The following DVL1 variants were observed in gnomAD, a reference collection of about 807,000 sequenced individuals.
DVL1 encodes dishevelled segment polarity protein 1, also known as segment polarity protein dishevelled homolog DVL-1.
Under a neutral mutation model 65.0 loss-of-function variants are expected in DVL1, and 49 were observed. The observed-to-expected ratio is 0.75, with a 90% CI of 0.60 to 0.96. The LOEUF (loss-of-function observed/expected upper bound fraction) is 0.96, where lower values mean the gene tolerates loss of function less well. Among genes scored for constraint, DVL1 ranks in the 40% least tolerant of loss-of-function variants. The pLI is 0.00. For synonymous variants in DVL1, 608 were observed against 433.9 expected (o/e 1.40, Z -4.99); for missense variants, 1,197 against 1,045.4 (o/e 1.15, Z -2.00).
intron 1 of DVL1, among the ~76,000 whole-genome samples, chr1:1,345,283 C>T (rs1281280850): frequency 2.6e-5 from 4 of 152,216 alleles, no homozygotes; most frequent in Non-Finnish European, 5.9e-5. Flanking sequence ...AAGTCCTCCC[C>T]TGCCCCCAGT....
Position 1,336,467 on chromosome 1 carries a change from C to T in DVL1, c.1763G>A (p.Arg588His), listed in dbSNP as rs375813716. 1.0e-4 allele frequency: 160 copies of T among 1,557,234 alleles called. No homozygotes were observed. Among genetic ancestry groups the T allele is most frequent in the Middle Eastern group, 5.3e-4 (3 of 5,672 alleles). ...STRSSRRAPGREKERRAAGAG... is the reference protein window; with the variant it reads ...STRSSRRAPGHEKERRAAGAG... ...TCCCGCCGCCCGACGCTCCTTCTCACGGCCCGGGGCCCGGCGGCTGCTCCG... is the reference window on the plus strand; with the variant it reads ...TCCCGCCGCCCGACGCTCCTTCTCATGGCCCGGGGCCCGGCGGCTGCTCCG... The change falls in exon 15 of 15, where the codon CGT becomes CAT. Residue 588 changes from arginine to histidine, a missense_variant. Coordinates refer to ENST00000378888, the MANE Select transcript of DVL1 (RefSeq NM_001330311.2).
chr1:1,339,880 A>G, intron 8 of DVL1, 68 bp from the exon 9 acceptor site: 2 of 1,573,798 alleles, frequency 1.3e-6, no homozygotes, highest in Non-Finnish European at 1.7e-6. Flanking sequence ...CCGCAGACCC[A>G]CCCACAGCCG....
intron 14 of DVL1, among the ~76,000 whole-genome samples, chr1:1,336,747 C>T (rs1048828688): frequency 1.3e-5 from 2 of 152,182 alleles, no homozygotes; most frequent in Non-Finnish European, 2.9e-5. Flanking sequence ...CTGGGGCAAG[C>T]TGGGCGCCCC....
chr1:1,341,774 G>A lies in DVL1; in HGVS notation c.498C>T (p.Asp166=). ...GGGGCAGCCCCACATCCCGCCGTCG[G>A]TCTCCCCTTGGGTGCCCATTGGTCC... The part of the protein sequence containing the change: ...AARTNGHPRG[D]RRRDVGLPPD... The change falls in exon 5 of 15, where the codon GAC becomes GAT. Residue 166 remains aspartate, a synonymous_variant. Coordinates refer to ENST00000378888, the MANE Select transcript of DVL1 (RefSeq NM_001330311.2). The A allele has an allele frequency of 6.2e-7, 1 of 1,601,944 alleles. No individual in the cohort carries two copies. The highest frequency in any genetic ancestry group is 8.5e-7 in the Non-Finnish European group (1 of 1,173,872).
chr1:1,338,408 T>C lies in DVL1; in HGVS notation c.1368A>G (p.Thr456=). The C allele has an allele frequency of 6.2e-7, 1 of 1,612,524 alleles. No individual in the cohort carries two copies. Among genetic ancestry groups the C allele is most frequent in the South Asian group, 1.1e-5 (1 of 91,074 alleles). ...IGADVVDWLY[T]HVEGFKERRE... ...GCCGCTCCTTGAAGCCCTCCACGTGTGTGTACAGCCAGTCCACCACGTCCG... is the reference window on the plus strand; with the variant it reads ...GCCGCTCCTTGAAGCCCTCCACGTGCGTGTACAGCCAGTCCACCACGTCCG... The change falls in exon 13 of 15, where the codon ACA becomes ACG. Residue 456 remains threonine, a synonymous_variant. Transcript: ENST00000378888.
Position 1,335,356 on chromosome 1 carries a change from C to CT in DVL1, c.*785_*786insA. The CT allele has an allele frequency of 6.6e-6, 1 of 152,448 alleles. No individual in the cohort carries two copies. The highest frequency in any genetic ancestry group is 1.5e-5 in the Non-Finnish European group (1 of 68,096). 9.4% of individuals were successfully genotyped at this position (152,448 alleles called of 1,614,324 possible). ...AGCAGCTCTATGTTAACCATCTAAA[C>CT]GCTGGGACTTTGATACAGTATCTAC... On this transcript the variant is annotated 3_prime_UTR_variant, in exon 15 of 15. Transcript: ENST00000378888.
At chr1:1,344,554 G>A (rs563677166) in intron 1 of DVL1, among the ~76,000 whole-genome samples, 1 of 152,204 alleles carries the variant, frequency 6.6e-6, no homozygotes, top group African/African-American at 2.4e-5. Context: ...GCCCTCTGGG[G>A]TCCTGCAGCT....
Position 1,337,735 on chromosome 1 carries a change from C to T in DVL1, c.1714+242G>A, listed in dbSNP as rs557171495. The T allele has an allele frequency of 8.9e-4, 614 of 692,960 alleles. 8 individuals carry two copies. In the South Asian group the frequency reaches 9.0e-3, roughly 10 times the overall value. The allele number at this position is 692,960 out of a possible 1,614,324, so 42.9% of individuals were successfully genotyped here. On this transcript the variant is annotated intron_variant, in intron 14 of 14. Coordinates refer to ENST00000378888, the MANE Select transcript of DVL1 (RefSeq NM_001330311.2). ...GACGCTTCCCTGTCCTCCCCATTCACACTGGCTCCTGGATCCCCCTGGCAC... is the reference window on the plus strand; with the variant it reads ...GACGCTTCCCTGTCCTCCCCATTCATACTGGCTCCTGGATCCCCCTGGCAC...
chr1:1,342,757 C>T lies in DVL1; in HGVS notation c.172G>A (p.Val58Met), dbSNP rs1643868188. Reference sequence around the variant, plus strand: ...TCATCAAAGATCTCCTCCTTCACCACCCTGTGGGCATATGCTGCCGTGAGG... The same window carrying T: ...TCATCAAAGATCTCCTCCTTCACCATCCTGTGGGCATATGCTGCCGTGAGG... Reference protein sequence around the residue: ...FFKSMDQDFGVVKEEIFDDNA... With the variant: ...FFKSMDQDFGMVKEEIFDDNA... Residue 58 changes from valine (V) to methionine (M), a missense_variant and splice_region_variant, in exon 2 of 15, where the codon GTG (valine) becomes ATG (methionine). Coordinates refer to ENST00000378888, the MANE Select transcript of DVL1 (RefSeq NM_001330311.2). The T allele has an allele frequency of 6.2e-7, 1 of 1,612,884 alleles. No individual in the cohort carries two copies.
rs765928459 is a variant in DVL1 at position 1,339,222 on chromosome 1, A to G, written c.1207+65T>C. On this transcript the variant is annotated intron_variant, in intron 11 of 14. Coordinates refer to ENST00000378888, the MANE Select transcript of DVL1 (RefSeq NM_001330311.2). ...TGACGGCCACAGGCGGCCATGCTGG[A>G]GGCTGGCAGAGACGCCCCCTCCAAG... The G allele has an allele frequency of 2.2e-3, 3,317 of 1,541,270 alleles. 6 individuals are homozygous for G. The highest frequency in any genetic ancestry group is 2.8e-3 in the Admixed American group (143 of 50,598).
chr1:1,347,571 CA>C (rs1643935413), intron 1 of DVL1, among the ~76,000 whole-genome samples: 1 of 152,232 alleles, frequency 6.6e-6, no homozygotes, highest in Non-Finnish European at 1.5e-5. Flanking sequence ...ACATTTGCAA[CA>C]AACAGCATTA....
intron 13 of DVL1, 40 bp downstream of exon 13, chr1:1,338,229 T>TTCCCCC: frequency 3.3e-6 from 5 of 1,522,356 alleles, no homozygotes; most frequent in Non-Finnish European, 4.5e-6. Context: ...CCTCCGGCGT[T>TTCCCCC]CCCCTCCCCC....
At chr1:1,347,622 A>G (rs1643936581) in intron 1 of DVL1, among the ~76,000 whole-genome samples, 1 of 152,246 alleles carries the variant, frequency 6.6e-6, no homozygotes, top group African/African-American at 2.4e-5. Flanking sequence ...AAACTAAGTC[A>G]AAAACAAAAG....
chr1:1,349,132 C>T lies in DVL1; in HGVS notation c.-67G>A. On this transcript the variant is annotated 5_prime_UTR_variant, in exon 1 of 15. Transcript: ENST00000378888. The surrounding 1 kb of genome is among the most constrained non-coding windows in gnomAD (Gnocchi z 4.1). ...CCGGGGCTCGGACGCGGGGCGCTAC[C>T]CGCCCGCCCGCCTGCGCCCCGCCCG... is the stretch of plus-strand genomic sequence containing the variant. The T allele has an allele frequency of 1.1e-6, 1 of 902,510 alleles. No individual in the cohort carries two copies. The highest frequency in any genetic ancestry group is 1.3e-6 in the Non-Finnish European group (1 of 753,520). 55.9% of individuals were successfully genotyped at this position (902,510 alleles called of 1,614,324 possible). A position where few individuals can be genotyped will look rare whatever the true frequency, so the allele number is the denominator to read the frequency against.
At position 1,340,002 on chromosome 1, in the gene DVL1, C is replaced by T. The variant is rs1434453226; in HGVS notation, c.909+36G>A. The T allele has an allele frequency of 8.1e-6, 13 of 1,597,228 alleles. No individual in the cohort carries two copies. In the East Asian group the frequency reaches 2.9e-4, roughly 36 times the overall value. On this transcript the variant is annotated intron_variant, in intron 8 of 14. Coordinates refer to ENST00000378888, the MANE Select transcript of DVL1 (RefSeq NM_001330311.2). ...CCCAAAGTCCCCACGGACCCACCCG[C>T]AGCTACATGTCACCCCGCAGCCCCC... is the stretch of plus-strand genomic sequence containing the variant.
chr1:1,340,503 C>T lies in DVL1; in HGVS notation c.606G>A (p.Arg202=), dbSNP rs143175544. 241 of 1,600,762 alleles carry T rather than the reference C, an allele frequency of 1.5e-4. 5 individuals are homozygous for T. The Middle Eastern group carries it at 2.8e-3, about 19-fold the overall frequency. ...VDSDEDGSTS[R]LSSSTEQSTS... is the part of the protein sequence containing the mutation. ...TGCTCTGCTCCGTGGAGCTGCTGAG[C>T]CTGGGAACAGACTGTCAGAGCTCAG... Residue 202 remains arginine (R), a splice_region_variant and synonymous_variant, in exon 6 of 15, where the codon AGG becomes AGA. Coordinates refer to ENST00000378888, the MANE Select transcript of DVL1 (RefSeq NM_001330311.2).
At chr1:1,337,804 C>T in intron 14 of DVL1, 173 bp downstream of exon 14, 1 of 718,802 alleles carries the variant, frequency 1.4e-6, no homozygotes. Flanking sequence ...AAGTACACAG[C>T]AGGAGCATGG....
At chr1:1,338,708 A>C in intron 11 of DVL1, 55 bp from the exon 12 acceptor site, 1 of 1,576,398 alleles carries the variant, frequency 6.3e-7, no homozygotes, top group South Asian at 1.1e-5. Flanking sequence ...CGGGGGACTC[A>C]GGGCCCTGCA....
intron 13 of DVL1, 24 bp downstream of exon 13, chr1:1,338,245 C>CCT: frequency 1.3e-6 from 2 of 1,588,834 alleles, no homozygotes. Flanking sequence ...CCCCCCCGCC[C>CCT]TGAAGCCCGA....
Sources: gnomAD v4.1 joint callset for allele counts (sites outside exome capture counted in the v4.1 genomes callset) on GRCh38, gnomAD v4.1.1 for gene constraint, Gnocchi (gnomAD v3.1) non-coding constraint, MANE v1.5 for transcripts, NCBI Gene and HGNC (gene_info 2026-07-23, HGNC 2026-07-21) for gene names.